The following HDAC7 variants were observed in gnomAD, a reference collection of about 807,000 sequenced individuals.
HDAC7 encodes the protein histone deacetylase 7.
Under a neutral mutation model 115.5 loss-of-function variants are expected in HDAC7, and 26 were observed. The ratio of observed to expected loss-of-function variants is 0.23; its 90% CI spans 0.16 to 0.31. The LOEUF (loss-of-function observed/expected upper bound fraction) is 0.31, where lower values mean the gene tolerates loss of function less well. Among genes scored for constraint, HDAC7 ranks in the 10% least tolerant of loss-of-function variants. The probability of loss-of-function intolerance (pLI) is 1.00; values close to 1 mark genes in which losing one functional copy is unlikely to be tolerated. For missense variants in HDAC7, 1,068 were observed against 1,329.0 expected, an observed-to-expected ratio of 0.80 and a Z score of 3.05; for synonymous variants, 564 against 550.9, an observed-to-expected ratio of 1.02 and a Z score of -0.33.
chr12:47,786,772 G>T, intron 21 of HDAC7, 69 bp from the exon 22 acceptor site: 1 of 1,211,548 alleles, frequency 8.3e-7, no homozygotes, highest in Non-Finnish European at 1.2e-6. Context: ...TGCCAACTTT[G>T]CGGTGGGGCA....
chr12:47,816,803 G>A (rs997049893), intron 1 of HDAC7, among the ~76,000 whole-genome samples: 1 of 152,200 alleles, frequency 6.6e-6, no homozygotes, highest in African/African-American at 2.4e-5. Context: ...GGAAACAAGA[G>A]GCTAGGCCAG....
chr12:47,793,237 G>T lies in HDAC7; in HGVS notation c.1678+132C>A. 1.6e-6 allele frequency: 1 copy of T among 643,948 alleles called. No individual in the cohort carries two copies. The highest frequency in any genetic ancestry group is 2.6e-6 in the Non-Finnish European group (1 of 387,922). The allele number at this position is 643,948 out of a possible 1,614,324, so 39.9% of individuals were successfully genotyped here. On this transcript the variant is annotated intron_variant, in intron 13 of 25. Transcript: ENST00000080059. This position sits in a 1 kb window ranked among gnomAD's most constrained non-coding sequence, Gnocchi z 4.5. ...TAACCAGCTGTTCCATGTGCTCCAT[G>T]GGTACTACGTGGGCCTAACAAGGCT...
intron 1 of HDAC7, among the ~76,000 whole-genome samples, chr12:47,816,520 G>A (rs996716199): frequency 6.6e-6 from 1 of 152,094 alleles, no homozygotes; most frequent in Admixed American, 6.5e-5. Context: ...CATACACAGG[G>A]TCTGGGGGGA....
rs1285232451 is a variant in HDAC7 at position 47,791,480 on chromosome 12, C to A, written c.1933+106G>T. On this transcript the variant is annotated intron_variant, in intron 15 of 25. Transcript: ENST00000080059. ...TGGCAGCAAGCTGGAGTAGGGACGT[C>A]CAGGGTGCAGGAGGAGGCTGGCTGG... 3.4e-6 allele frequency: 5 copies of A among 1,468,502 alleles called. No homozygotes were observed. The East Asian group carries it at 1.2e-4, about 36-fold the overall frequency. 91.0% of individuals were successfully genotyped at this position (1,468,502 alleles called of 1,614,324 possible).
At chr12:47,811,959 C>T (rs1050680619) in intron 1 of HDAC7, among the ~76,000 whole-genome samples, 1 of 152,240 alleles carries the variant, frequency 6.6e-6, no homozygotes, top group South Asian at 2.1e-4. Flanking sequence ...AGCCGCTGTG[C>T]TGGGAATACT....
chr12:47,819,351 G>A (rs938034132), intron 1 of HDAC7: 2 of 153,084 alleles, frequency 1.3e-5, no homozygotes, highest in Non-Finnish European at 2.9e-5. Context: ...TTCCGCCCCG[G>A]AGCACCGCCC....
Position 47,793,343 on chromosome 12 carries a change from A to G in HDAC7, c.1678+26T>C. 1.4e-6 allele frequency: 1 copy of G among 693,380 alleles called. No individual in the cohort carries two copies. The highest frequency in any genetic ancestry group is 2.2e-6 in the Non-Finnish European group (1 of 448,744). 43.0% of individuals were successfully genotyped at this position (693,380 alleles called of 1,614,324 possible). A position where few individuals can be genotyped will look rare whatever the true frequency, so the allele number is the denominator to read the frequency against. Reference sequence around the variant, plus strand: ...CTCGTGCAGCCGAGCCCCTCCCTCCACCCGCCACCCTCCTCCCGGTCTCAC... The same window carrying G: ...CTCGTGCAGCCGAGCCCCTCCCTCCGCCCGCCACCCTCCTCCCGGTCTCAC... On this transcript the variant is annotated intron_variant, in intron 13 of 25. Coordinates refer to ENST00000080059, the MANE Select transcript of HDAC7 (RefSeq NM_015401.5). The surrounding 1 kb of genome is among the most constrained non-coding windows in gnomAD (Gnocchi z 4.5).
intron 1 of HDAC7, among the ~76,000 whole-genome samples, chr12:47,812,683 T>A (rs1395495805): frequency 6.6e-6 from 1 of 151,908 alleles, no homozygotes; most frequent in Admixed American, 6.6e-5. Context: ...TACAGTAGGG[T>A]CTAAGGCGAT....
chr12:47,788,960 G>A (rs945415801), intron 19 of HDAC7: 9 of 390,106 alleles, frequency 2.3e-5, no homozygotes, highest in African/African-American at 1.8e-4. Context: ...ACCTGTACAG[G>A]AAATGCAGAA....
At chr12:47,796,377 A>G in intron 7 of HDAC7, 79 bp from the exon 8 acceptor site, 1 of 947,312 alleles carries the variant, frequency 1.1e-6, no homozygotes, top group Non-Finnish European at 1.6e-6. Context: ...CTGGTGCAGG[A>G]GACCCGGGAG....
Position 47,798,447 on chromosome 12 carries a change from T to A in HDAC7, c.349+115A>T, listed in dbSNP as rs1414197899. On this transcript the variant is annotated intron_variant, in intron 4 of 25. Transcript: ENST00000080059. This position sits in a 1 kb window ranked among gnomAD's most constrained non-coding sequence, Gnocchi z 4.3. ...AGCCCAGGCAAGCAGAGGGAAAGCC[T>A]CGGCTCAGGCCCAGCTGGCTGCGGC... is the stretch of plus-strand genomic sequence containing the variant. 5 of 940,312 alleles carry A rather than the reference T, an allele frequency of 5.3e-6. No homozygotes were observed. The highest frequency in any genetic ancestry group is 5.2e-5 in the African/African-American group (3 of 57,792). 58.2% of individuals were successfully genotyped at this position (940,312 alleles called of 1,614,324 possible).
intron 15 of HDAC7, 76 bp downstream of exon 15, chr12:47,791,510 G>A: frequency 6.6e-7 from 1 of 1,525,284 alleles, no homozygotes; most frequent in Non-Finnish European, 8.8e-7. Flanking sequence ...GGCTGGGCGG[G>A]CAGAGCCGAG....
Position 47,795,744 on chromosome 12 carries a change from A to G in HDAC7, c.930T>C (p.His310=), listed in dbSNP as rs1245987621. The change falls in exon 10 of 26, where the codon CAT becomes CAC. Residue 310 remains histidine, a synonymous_variant. Coordinates refer to ENST00000080059, the MANE Select transcript of HDAC7 (RefSeq NM_015401.5). The surrounding 1 kb of genome is among the most constrained non-coding windows in gnomAD (Gnocchi z 4.3). ...TTGGCCCCCGAGGGCCCAGAGTCGG[A>G]TGGGTCCTGCGGTCACTGTCAGCCT... ...PARADSDRRT[H]PTLGPRGPIL... The G allele has an allele frequency of 6.5e-7, 1 of 1,542,108 alleles. No individual in the cohort carries two copies. The highest frequency in any genetic ancestry group is 1.2e-5 in the South Asian group (1 of 82,140).
chr12:47,810,985 A>G (rs1340015811), intron 1 of HDAC7, among the ~76,000 whole-genome samples: 4 of 152,128 alleles, frequency 2.6e-5, no homozygotes, highest in African/African-American at 9.7e-5. Flanking sequence ...GGCTATCAGC[A>G]TCCCTGGATC....
chr12:47,791,861 G>A lies in HDAC7; in HGVS notation c.1812+10C>T, dbSNP rs377341041. 124 of 1,308,190 alleles carry A rather than the reference G, an allele frequency of 9.5e-5. No homozygotes were observed. The East Asian group carries it at 1.8e-3, about 19-fold the overall frequency. 81.0% of individuals were successfully genotyped at this position (1,308,190 alleles called of 1,614,324 possible). ...CACCCATTCCTCGGGCCCCACCCGCGCCTCCTCACCTCACACTGGCTCCGG... is the reference window on the plus strand; with the variant it reads ...CACCCATTCCTCGGGCCCCACCCGCACCTCCTCACCTCACACTGGCTCCGG... On this transcript the variant is annotated intron_variant, in intron 14 of 25. Coordinates refer to ENST00000080059, the MANE Select transcript of HDAC7 (RefSeq NM_015401.5).
intron 2 of HDAC7, among the ~76,000 whole-genome samples, chr12:47,799,828 G>C (rs1385383368): frequency 1.3e-5 from 2 of 152,248 alleles, no homozygotes; most frequent in Non-Finnish European, 2.9e-5. Context: ...TGAGCAGCCA[G>C]AGAGGCTGAG....
rs1160721592 is a variant in HDAC7, at chr12:47,789,457, C to T, written c.2147+66G>A. 3.1e-6 allele frequency: 5 copies of T among 1,591,366 alleles called. No individual in the cohort carries two copies. The African/African-American group carries it at 4.0e-5, about 13-fold the overall frequency. The stretch of plus-strand genomic sequence containing the variant: ...AAGCTCAGGGAAGAAGAGAGAATGT[C>T]CCTGAAGGAAGTTCCTGGGGGCTTG... On this transcript the variant is annotated intron_variant, in intron 18 of 25. Transcript: ENST00000080059.
intron 1 of HDAC7, among the ~76,000 whole-genome samples, chr12:47,811,653 G>C (rs1408914862): frequency 6.6e-6 from 1 of 152,224 alleles, no homozygotes; most frequent in East Asian, 1.9e-4. Flanking sequence ...GACTGCCTCT[G>C]TAATAATTAC....
Position 47,784,059 on chromosome 12 carries a change from G to T in HDAC7, c.2930+20C>A. ...AGCGGTGGAGAGGCTGTGGGCCCAG[G>T]GCCAGGGGTCTGGCATTACCTATCT... On this transcript the variant is annotated intron_variant, in intron 25 of 25. Transcript: ENST00000080059. The T allele has an allele frequency of 6.2e-7, 1 of 1,611,254 alleles. No homozygotes were observed. The highest frequency in any genetic ancestry group is 8.5e-7 in the Non-Finnish European group (1 of 1,178,640).
Sources: gnomAD v4.1 joint callset for allele counts (sites outside exome capture counted in the v4.1 genomes callset) on GRCh38, gnomAD v4.1.1 for gene constraint, Gnocchi (gnomAD v3.1) non-coding constraint, MANE v1.5 for transcripts, NCBI Gene and HGNC (gene_info 2026-07-23, HGNC 2026-07-21) for gene names.